Variants in TM9SF3 observed in about 807,000 individuals in gnomAD.
TM9SF3 encodes transmembrane 9 superfamily member 3.
In TM9SF3, 14 loss-of-function variants were observed where a neutral mutation model predicts 78.6. The ratio of observed to expected loss-of-function variants is 0.18; its 90% confidence interval spans 0.12 to 0.28. TM9SF3 has a LOEUF of 0.28. TM9SF3 is among the 10% of genes least tolerant of loss of function. The pLI is 1.00. For missense variants in TM9SF3, 496 were observed against 721.9 expected (o/e 0.69, Z 3.59); for synonymous variants, 231 against 241.7 (o/e 0.96, Z 0.41).
At chr10:96,575,971 G>A (rs575377700) in intron 2 of TM9SF3, among the ~76,000 whole-genome samples, 6 of 152,138 alleles carry the variant, frequency 3.9e-5, no homozygotes, top group East Asian at 1.9e-4. Context: ...AACTAGATAC[G>A]ATGAAGTATT....
chr10:96,586,066 G>A lies in TM9SF3; in HGVS notation c.102+668C>T, dbSNP rs184996932. ...AGCTGCCTTAGTTAGAGACTATCGG[G>A]ATGGGGGTCTCACTTAGGGGCTGGA... On this transcript the variant is annotated intron_variant, in intron 1 of 14. Transcript: ENST00000371142. 2.0e-4 allele frequency among the ~76,000 whole-genome samples: 30 copies of A among 152,334 alleles called. No individual in the cohort carries two copies. The East Asian group carries it at 3.1e-3, about 16-fold the overall frequency.
Position 96,566,739 on chromosome 10 carries a change from C to T in TM9SF3, c.299-1313G>A, listed in dbSNP as rs191450586. On this transcript the variant is annotated intron_variant, in intron 2 of 14. Coordinates refer to ENST00000371142, the MANE Select transcript of TM9SF3 (RefSeq NM_020123.4). ...ACCCTGAGGCTGAGCAGTGAAGCAA[C>T]GGAGGGTTAAAAAATGAGATTGCTC... 4.4e-3 allele frequency among the ~76,000 whole-genome samples: 669 copies of T among 152,182 alleles called. 30 individuals are homozygous for T. Among genetic ancestry groups the T allele is most frequent in the Admixed American group, 0.04 (615 of 15,286 alleles).
In TM9SF3 at chr10:96,576,620, T is replaced by A. The variant is rs1385159790; in HGVS notation, c.298+14A>T. On this transcript the variant is annotated intron_variant, in intron 2 of 14. Transcript: ENST00000371142. Reference sequence around the variant, plus strand: ...ATCCAAATTGCATTGTAAGGACTATTAAGGTTTACTTACCTTTAAATTTAA... The same window carrying A: ...ATCCAAATTGCATTGTAAGGACTATAAAGGTTTACTTACCTTTAAATTTAA... 6.4e-7 allele frequency: 1 copy of A among 1,569,760 alleles called. No homozygotes were observed. Among genetic ancestry groups the A allele is most frequent in the Admixed American group, 2.0e-5 (1 of 49,896 alleles).
At chr10:96,563,670 G>A (rs1434238534) in intron 3 of TM9SF3, among the ~76,000 whole-genome samples, 1 of 152,156 alleles carries the variant, frequency 6.6e-6, no homozygotes, top group Non-Finnish European at 1.5e-5. Context: ...GAGCCACCGC[G>A]CCCAGCCAAT....
At chr10:96,562,221 T>TTG in intron 3 of TM9SF3, 83 bp from the exon 4 acceptor site, 1 of 1,056,024 alleles carries the variant, frequency 9.5e-7, no homozygotes, top group Non-Finnish European at 1.3e-6. Flanking sequence ...ATTAAGTTTT[T>TTG]TTTTTTTTTT....
intron 1 of TM9SF3, among the ~76,000 whole-genome samples, chr10:96,582,587 GC>G (rs1406156317): frequency 5.3e-5 from 8 of 152,120 alleles, no homozygotes; most frequent in Non-Finnish European, 1.2e-4. Context: ...GTTATTAAAA[GC>G]CTGTCTTCCA....
chr10:96,561,834 C>A (rs554549777), intron 4 of TM9SF3, 144 bp downstream of exon 4: 2 of 708,208 alleles, frequency 2.8e-6, no homozygotes, highest in Non-Finnish European at 4.5e-6. Context: ...GGCTTACTTA[C>A]GTACACTGAG....
chr10:96,544,161 G>A lies in TM9SF3; in HGVS notation c.1100C>T (p.Pro367Leu), dbSNP rs1357262044. 6.2e-7 allele frequency: 1 copy of A among 1,612,566 alleles called. No individual in the cohort carries two copies. Among genetic ancestry groups the A allele is most frequent in the East Asian group, 2.2e-5 (1 of 44,790 alleles). ...GAAGGCAGTGCCACACACCATAGCT[G>A]GGATAAGGAATGCCCCAATAAACAT... ...KQMFIGAFLI[P>L]AMVCGTAFFI... The change falls in exon 9 of 15, where the codon CCA becomes CTA. Residue 367 changes from proline to leucine, a missense_variant. Pro to Leu is a moderately conservative substitution (Grantham distance 98). Coordinates refer to ENST00000371142, the MANE Select transcript of TM9SF3 (RefSeq NM_020123.4).
intron 14 of TM9SF3, among the ~76,000 whole-genome samples, chr10:96,523,863 A>C (rs1305055353): frequency 6.6e-6 from 1 of 151,922 alleles, no homozygotes; most frequent in Non-Finnish European, 1.5e-5. Flanking sequence ...ATCTTAATTG[A>C]TCTCAAAGCA....
rs1848279382 is a variant in TM9SF3 at position 96,559,701 on chromosome 10, A to G, written c.618T>C (p.Asp206=). 6.3e-7 allele frequency: 1 copy of G among 1,594,956 alleles called. No individual in the cohort carries two copies. Among genetic ancestry groups the G allele is most frequent in the Non-Finnish European group, 8.6e-7 (1 of 1,168,448 alleles). The part of the protein sequence containing the change: ...KWKKSDVKFE[D]RFDKYLDPSF... ...ACGGATCAAGATATTTGTCAAATCGATCTTCAAATTTCACATCTGACTTTT... is the reference window on the plus strand; with the variant it reads ...ACGGATCAAGATATTTGTCAAATCGGTCTTCAAATTTCACATCTGACTTTT... Residue 206 remains aspartate (D), a synonymous_variant, in exon 5 of 15, where the codon GAT becomes GAC. Transcript: ENST00000371142.
intron 9 of TM9SF3, among the ~76,000 whole-genome samples, chr10:96,534,941 C>T (rs1209180888): frequency 6.6e-6 from 1 of 152,110 alleles, no homozygotes; most frequent in Admixed American, 6.5e-5. Context: ...GCTTGTAATG[C>T]TATATTGGTC....
At chr10:96,525,020 C>G (rs1174738279) in intron 14 of TM9SF3, among the ~76,000 whole-genome samples, 1 of 152,012 alleles carries the variant, frequency 6.6e-6, no homozygotes, top group Admixed American at 6.6e-5. Flanking sequence ...TAGCTAGATT[C>G]ATTCCATTTT....
At chr10:96,541,883 T>TG (rs1848038590) in intron 9 of TM9SF3, among the ~76,000 whole-genome samples, 1 of 152,230 alleles carries the variant, frequency 6.6e-6, no homozygotes, top group Admixed American at 6.5e-5. Flanking sequence ...ATGGCACCTA[T>TG]GGTCTGGGAG....
chr10:96,555,575 T>C (rs1401185863), intron 5 of TM9SF3, among the ~76,000 whole-genome samples: 3 of 152,334 alleles, frequency 2.0e-5, no homozygotes, highest in African/African-American at 7.2e-5. Context: ...CCAGGCTCTG[T>C]TATCCACCCT....
Position 96,520,905 on chromosome 10 carries a change from T to G in TM9SF3, c.*1358A>C, listed in dbSNP as rs770543673. The stretch of plus-strand genomic sequence containing the variant: ...AGTAGCATAGTTTATAGCATACTTT[T>G]AAAAATGGCATTCGGTAATTTTGCC... On this transcript the variant is annotated 3_prime_UTR_variant, in exon 15 of 15. Coordinates refer to ENST00000371142, the MANE Select transcript of TM9SF3 (RefSeq NM_020123.4). 1 of 397,318 alleles carries G rather than the reference T, an allele frequency of 2.5e-6. No homozygotes were observed. The highest frequency in any genetic ancestry group is 4.4e-6 in the Non-Finnish European group (1 of 224,782). 24.6% of individuals were successfully genotyped at this position (397,318 alleles called of 1,614,324 possible). A position where few individuals can be genotyped will look rare whatever the true frequency, so the allele number is the denominator to read the frequency against.
At chr10:96,531,894 T>A (rs976398750) in intron 10 of TM9SF3, among the ~76,000 whole-genome samples, 6 of 151,470 alleles carry the variant, frequency 4.0e-5, no homozygotes, top group Middle Eastern at 3.4e-3. Context: ...CATACTGATT[T>A]ACAAAAAAAA....
Position 96,533,131 on chromosome 10 carries a change from T to C in TM9SF3, c.1245A>G (p.Ile415Met), listed in dbSNP as rs754953961. The C allele has an allele frequency of 2.5e-6, 4 of 1,614,000 alleles. No individual in the cohort carries two copies. The highest frequency in any genetic ancestry group is 1.7e-6 in the Non-Finnish European group (2 of 1,180,018). ...GCTGACCTGACAGATTTCGGCCAAGTATTGTACCAACAAGATTTAGAGGAA... is the reference window on the plus strand; with the variant it reads ...GCTGACCTGACAGATTTCGGCCAAGCATTGTACCAACAAGATTTAGAGGAA... Reference protein sequence around the residue: ...VILPLNLVGTILGRNLSGQPN... With the variant: ...VILPLNLVGTMLGRNLSGQPN... The change falls in exon 10 of 15, where the codon ATA becomes ATG. Residue 415 changes from isoleucine (I) to methionine (M), a missense_variant. Ile to Met is a conservative substitution (Grantham distance 10). Transcript: ENST00000371142.
chr10:96,541,883 T>C (rs898845831), intron 9 of TM9SF3, among the ~76,000 whole-genome samples: 1 of 152,230 alleles, frequency 6.6e-6, no homozygotes, highest in Non-Finnish European at 1.5e-5. Context: ...ATGGCACCTA[T>C]GGTCTGGGAG....
At chr10:96,540,351 T>C (rs1848007915) in intron 9 of TM9SF3, among the ~76,000 whole-genome samples, 1 of 152,190 alleles carries the variant, frequency 6.6e-6, no homozygotes. Flanking sequence ...AAAGTAAATT[T>C]GCCCATCCAG....
Sources: gnomAD v4.1 joint callset for allele counts (sites outside exome capture counted in the v4.1 genomes callset) on GRCh38, gnomAD v4.1.1 for gene constraint, MANE v1.5 for transcripts, NCBI Gene and HGNC (gene_info 2026-07-23, HGNC 2026-07-21) for gene names.